The following UBE3C variants were observed in gnomAD, a reference collection of about 807,000 sequenced individuals.
The protein encoded by UBE3C is ubiquitin protein ligase E3C.
A neutral mutation model predicts 129.4 loss-of-function variants in UBE3C; 42 were observed. The observed-to-expected ratio is 0.32, with a 90% confidence interval of 0.25 to 0.42. The LOEUF (loss-of-function observed/expected upper bound fraction) is 0.42, where lower values mean the gene tolerates loss of function less well. UBE3C is among the 10% of genes least tolerant of loss of function. The pLI is 1.00. For missense variants in UBE3C, 1,049 were observed against 1,319.1 expected (o/e 0.80, Z 3.17); for synonymous variants, 510 against 492.4 (o/e 1.04, Z -0.47).
chr7:157,244,980 A>G (rs1224056054), intron 18 of UBE3C, among the ~76,000 whole-genome samples: 4 of 152,198 alleles, frequency 2.6e-5, no homozygotes, highest in African/African-American at 9.7e-5. Flanking sequence ...GCAGTTTTTG[A>G]AGTTGTATAA....
chr7:157,172,393 T>C (rs1319642321), intron 4 of UBE3C, among the ~76,000 whole-genome samples: 1 of 152,142 alleles, frequency 6.6e-6, no homozygotes, highest in African/African-American at 2.4e-5. Context: ...AAATTTCAAA[T>C]TGCATGAAAG....
intron 6 of UBE3C, among the ~76,000 whole-genome samples, chr7:157,180,530 G>C (rs1455549758): frequency 1.3e-5 from 2 of 152,114 alleles, no homozygotes. Context: ...AGCTGTGTAG[G>C]ACTGTTTCAA....
In UBE3C at chr7:157,236,398, A is replaced by T. The variant is rs376505595; in HGVS notation, c.2481+5071A>T. ...AATTGGGATGGCATGCCTATAAATC[A>T]GATTATTTGATATGATCTTGGTTAT... On this transcript the variant is annotated intron_variant, in intron 18 of 22. Coordinates refer to ENST00000348165, the MANE Select transcript of UBE3C (RefSeq NM_014671.3). 7.7e-3 allele frequency among the ~76,000 whole-genome samples: 1,176 copies of T among 152,324 alleles called. 9 individuals carry two copies. Among genetic ancestry groups the T allele is most frequent in the Middle Eastern group, 0.017 (5 of 294 alleles).
At chr7:157,161,524 T>C (rs962997607) in intron 1 of UBE3C, among the ~76,000 whole-genome samples, 2 of 151,644 alleles carry the variant, frequency 1.3e-5, no homozygotes, top group African/African-American at 4.8e-5. Flanking sequence ...CAATCTCGGC[T>C]CACTGCAGCC....
In UBE3C at chr7:157,239,285, A is replaced by G. The variant is rs1392667122; in HGVS notation, c.2481+7958A>G. On this transcript the variant is annotated intron_variant, in intron 18 of 22. Transcript: ENST00000348165. Reference sequence around the variant, plus strand: ...CTGAATGAACAGACTACAGCTACTCAAAATGGTATGAGTGAACGGCACAGA... The same window carrying G: ...CTGAATGAACAGACTACAGCTACTCGAAATGGTATGAGTGAACGGCACAGA... Among the ~76,000 whole-genome samples the G allele has an allele frequency of 2.6e-5, 4 of 152,354 alleles. No individual in the cohort carries two copies. The East Asian group carries it at 7.7e-4, about 29-fold the overall frequency.
intron 22 of UBE3C, among the ~76,000 whole-genome samples, chr7:157,262,409 CTTTTTTTTTTT>C (rs371300314): frequency 5.6e-5 from 3 of 54,030 alleles, no homozygotes; most frequent in African/African-American, 1.5e-4. Context: ...TCTTCATAGG[CTTTTTTTTTTT>C]TTTTTTTTTT....
chr7:157,150,214 C>A (rs1435460667), intron 1 of UBE3C, among the ~76,000 whole-genome samples: 1 of 152,092 alleles, frequency 6.6e-6, no homozygotes, highest in Non-Finnish European at 1.5e-5. Context: ...CCCATCTCTA[C>A]TAAAAATACA....
intron 11 of UBE3C, among the ~76,000 whole-genome samples, chr7:157,204,498 G>A (rs1369537053): frequency 2.0e-5 from 3 of 151,430 alleles, no homozygotes; most frequent in African/African-American, 4.9e-5. Context: ...TCAGGTAATC[G>A]AGGTACAGAT....
intron 13 of UBE3C, among the ~76,000 whole-genome samples, chr7:157,208,873 A>G (rs1432190098): frequency 6.6e-6 from 1 of 152,218 alleles, no homozygotes; most frequent in Non-Finnish European, 1.5e-5. Flanking sequence ...AAAATTGCTC[A>G]TTAAAGGAGT....
chr7:157,143,434 C>T (rs555664801), intron 1 of UBE3C, among the ~76,000 whole-genome samples: 7 of 152,314 alleles, frequency 4.6e-5, no homozygotes, highest in African/African-American at 1.7e-4. Context: ...GCAGGTATCA[C>T]CACCACAGGA....
intron 18 of UBE3C, among the ~76,000 whole-genome samples, chr7:157,234,694 C>T (rs370290968): frequency 6.6e-6 from 1 of 152,160 alleles, no homozygotes; most frequent in Non-Finnish European, 1.5e-5. Flanking sequence ...ACTTCACTAC[C>T]GTAACGGTAT....
At chr7:157,158,995 A>G (rs887894377) in intron 1 of UBE3C, among the ~76,000 whole-genome samples, 1 of 152,236 alleles carries the variant, frequency 6.6e-6, no homozygotes, top group African/African-American at 2.4e-5. Flanking sequence ...ATGCGGGGAT[A>G]TTAAGTCCGT....
In UBE3C at chr7:157,232,660, G is replaced by A. The variant is rs140366266; in HGVS notation, c.2481+1333G>A. On this transcript the variant is annotated intron_variant, in intron 18 of 22. Transcript: ENST00000348165. Reference sequence around the variant, plus strand: ...AGCCACTGCACCTGGCCTGTTATTCGCATTCTTAAATAAATTAGAAATTAA... The same window carrying A: ...AGCCACTGCACCTGGCCTGTTATTCACATTCTTAAATAAATTAGAAATTAA... Among the ~76,000 whole-genome samples the A allele has an allele frequency of 2.7e-3, 410 of 152,168 alleles. 4 individuals carry two copies. The highest frequency in any genetic ancestry group is 9.6e-3 in the African/African-American group (397 of 41,516).
chr7:157,184,182 A>G (rs572476948), intron 9 of UBE3C, among the ~76,000 whole-genome samples, 153 bp downstream of exon 9: 13 of 152,306 alleles, frequency 8.5e-5, no homozygotes, highest in African/African-American at 2.9e-4. Flanking sequence ...CACAGTTTCT[A>G]GTGATGGGAA....
Position 157,231,129 on chromosome 7 carries a change from C to A in UBE3C, c.2283C>A (p.Gly761=). The change falls in exon 18 of 23, where the codon GGC becomes GGA. Residue 761 remains glycine, a synonymous_variant. Coordinates refer to ENST00000348165, the MANE Select transcript of UBE3C (RefSeq NM_014671.3). The part of the protein sequence containing the change: ...RIRVHLLNAH[G]LDEAGIDGGG... ...GTGTGCACTTGCTCAATGCCCATGGCCTGGATGAAGCTGGCATTGATGGTG... is the reference window on the plus strand; with the variant it reads ...GTGTGCACTTGCTCAATGCCCATGGACTGGATGAAGCTGGCATTGATGGTG... The A allele has an allele frequency of 6.2e-7, 1 of 1,614,014 alleles. No homozygotes were observed. The highest frequency in any genetic ancestry group is 8.5e-7 in the Non-Finnish European group (1 of 1,180,026).
In UBE3C at chr7:157,207,609, A is replaced by C. The variant is rs945352973; in HGVS notation, c.1576+54A>C. Reference sequence around the variant, plus strand: ...CTGGCCACTTGGCCCATCAGTTTTCATAGACAGTAGAAAAGTTTTAAGCTT... The same window carrying C: ...CTGGCCACTTGGCCCATCAGTTTTCCTAGACAGTAGAAAAGTTTTAAGCTT... On this transcript the variant is annotated intron_variant, in intron 12 of 22. Coordinates refer to ENST00000348165, the MANE Select transcript of UBE3C (RefSeq NM_014671.3). 6 of 1,593,200 alleles carry C rather than the reference A, an allele frequency of 3.8e-6. No individual in the cohort carries two copies. In the African/African-American group the frequency reaches 6.8e-5, roughly 18 times the overall value.
At chr7:157,226,513 A>C (rs183409265) in intron 17 of UBE3C, among the ~76,000 whole-genome samples, 1 of 152,360 alleles carries the variant, frequency 6.6e-6, no homozygotes, top group Admixed American at 6.5e-5. Context: ...AAATGAAATC[A>C]TCTTACCCAG....
At chr7:157,196,974 AAAAG>A (rs1809138350) in intron 10 of UBE3C, among the ~76,000 whole-genome samples, 1 of 152,218 alleles carries the variant, frequency 6.6e-6, no homozygotes, top group Admixed American at 6.5e-5. Context: ...CATCTCAAAA[AAAAG>A]AATTGCTGAA....
intron 13 of UBE3C, 120 bp downstream of exon 13, chr7:157,208,055 CT>C (rs35366316): frequency 1.2e-4 from 11 of 93,700 alleles, no homozygotes; most frequent in South Asian, 2.8e-4. Context: ...ATTTGCAAGA[CT>C]TTTTTTTTTT....
Sources: allele counts gnomAD v4.1 joint callset (sites outside exome capture counted in the v4.1 genomes callset), GRCh38; gene constraint gnomAD v4.1.1; transcripts MANE v1.5; gene names NCBI Gene and HGNC (gene_info 2026-07-23, HGNC 2026-07-21).